Variants in RAI2 observed in about 807,000 individuals in gnomAD.
The protein encoded by RAI2 is retinoic acid induced 2, also known as retinoic acid-induced protein 2.
RAI2 carries 5 observed loss-of-function variants against 15.3 expected under a neutral mutation model. The ratio of observed to expected loss-of-function variants is 0.33; its 90% CI spans 0.17 to 0.69. RAI2 has a LOEUF of 0.69. RAI2 is among the 30% of genes least tolerant of loss of function. The pLI is 0.69. For synonymous variants in RAI2, 191 were observed against 184.0 expected, an observed-to-expected ratio of 1.04 and a Z score of -0.31; for missense variants, 424 against 424.7, an observed-to-expected ratio of 1.00 and a Z score of 0.01.
At chrX:17,811,925 TA>T (rs371540415) in intron 1 of RAI2, among the ~76,000 whole-genome samples, 103 of 105,171 alleles carry the variant, frequency 9.8e-4, no homozygotes, top group African/African-American at 1.4e-3. Context: ...GTAAAATGAT[TA>T]AAAAAAAAAA....
intron 1 of RAI2, among the ~76,000 whole-genome samples, chrX:17,841,409 A>C (rs2067395744): frequency 8.9e-6 from 1 of 112,206 alleles, no homozygotes; most frequent in Admixed American, 9.4e-5. Context: ...CCATGGATTA[A>C]TCATGGCAAC....
At chrX:17,814,698 T>TATC (rs2067086047) in intron 1 of RAI2, among the ~76,000 whole-genome samples, 2 of 110,283 alleles carry the variant, frequency 1.8e-5, no homozygotes, top group African/African-American at 3.3e-5. Flanking sequence ...CAGAGATGAC[T>TATC]ATCTTTCCAA....
intron 1 of RAI2, among the ~76,000 whole-genome samples, chrX:17,833,988 A>G (rs947022642): frequency 1.8e-5 from 2 of 111,786 alleles, no homozygotes; most frequent in African/African-American, 6.5e-5. Flanking sequence ...TGCTCGACAA[A>G]GGCAATGCTG....
chrX:17,838,128 C>T (rs185019525), intron 1 of RAI2, among the ~76,000 whole-genome samples: 2 of 112,540 alleles, frequency 1.8e-5, no homozygotes. Context: ...AGAGCAGACA[C>T]AACTAATCTA....
intron 1 of RAI2, among the ~76,000 whole-genome samples, chrX:17,846,544 T>C (rs183422863): frequency 1.9e-4 from 21 of 112,228 alleles, no homozygotes; most frequent in African/African-American, 6.5e-4. Flanking sequence ...ACTATGTCTG[T>C]CAGGTTTTGT....
chrX:17,855,494 G>C (rs1372554694), intron 1 of RAI2, among the ~76,000 whole-genome samples: 1 of 112,037 alleles, frequency 8.9e-6, no homozygotes, highest in Non-Finnish European at 1.9e-5. Flanking sequence ...TCCTCATAGA[G>C]CATGAGACTG....
intron 1 of RAI2, among the ~76,000 whole-genome samples, chrX:17,837,301 G>A (rs1034883836): frequency 3.6e-5 from 4 of 112,084 alleles, no homozygotes; most frequent in Non-Finnish European, 5.6e-5. Flanking sequence ...GTGTGCAGGT[G>A]CAAGCCTGTT....
intron 1 of RAI2, among the ~76,000 whole-genome samples, chrX:17,838,598 G>A (rs763981303): frequency 3.6e-5 from 4 of 109,666 alleles, no homozygotes; most frequent in African/African-American, 1.3e-4. Context: ...TCTTTGGTGC[G>A]CAACATGAAT....
chrX:17,821,044 C>T (rs1295952075), intron 1 of RAI2, among the ~76,000 whole-genome samples: 2 of 111,871 alleles, frequency 1.8e-5, no homozygotes, highest in African/African-American at 3.2e-5. Flanking sequence ...GGACTATAGG[C>T]GTGAGCCACT....
intron 1 of RAI2, among the ~76,000 whole-genome samples, chrX:17,844,362 C>A (rs762833410): frequency 8.9e-6 from 1 of 112,583 alleles, no homozygotes; most frequent in East Asian, 2.8e-4. Flanking sequence ...ATTATATTGT[C>A]CTATTCTTGG....
intron 1 of RAI2, among the ~76,000 whole-genome samples, chrX:17,838,315 T>G (rs765434404): frequency 1.8e-5 from 2 of 112,193 alleles, no homozygotes; most frequent in African/African-American, 3.2e-5. Context: ...CTCTGTGACT[T>G]TACTGTATGT....
At chrX:17,826,404 C>G (rs1179634358) in intron 1 of RAI2, among the ~76,000 whole-genome samples, 2 of 110,684 alleles carry the variant, frequency 1.8e-5, no homozygotes, top group African/African-American at 6.6e-5. Flanking sequence ...TAGTCTGTCT[C>G]TTCTACTTAA....
intron 1 of RAI2, among the ~76,000 whole-genome samples, chrX:17,841,226 A>G (rs1318508011): frequency 9.0e-6 from 1 of 111,552 alleles, no homozygotes; most frequent in African/African-American, 3.3e-5. Context: ...CCAAGCTCTG[A>G]CTTTCACAAG....
chrX:17,800,918 C>T lies in RAI2; in HGVS notation c.1093G>A (p.Ala365Thr). 8.3e-7 allele frequency: 1 copy of T among 1,211,113 alleles called. No homozygotes were observed. The change falls in exon 2 of 2, where the codon GCA becomes ACA. Residue 365 changes from alanine (A) to threonine (T), a missense_variant. Coordinates refer to ENST00000451717, the MANE Select transcript of RAI2 (RefSeq NM_021785.6). ...PPPETLYDSG[A>T]SVDSSGHTVM... ...GTGTGACCTGAGCTGTCCACTGATG[C>T]ACCACTGTCATACAGTGTCTCAGGG...
chrX:17,811,016 G>C (rs764731295), intron 1 of RAI2, among the ~76,000 whole-genome samples: 86 of 112,213 alleles, frequency 7.7e-4, no homozygotes, highest in Non-Finnish European at 1.3e-3. Flanking sequence ...CTCCTTTAAG[G>C]CTCACATTTC....
At chrX:17,807,201 C>T (rs939477982) in intron 1 of RAI2, among the ~76,000 whole-genome samples, 13 of 111,596 alleles carry the variant, frequency 1.2e-4, no homozygotes, top group Non-Finnish European at 2.4e-4. Context: ...AGGGGTTCAG[C>T]TCTAAAGTTG....
At chrX:17,803,485 C>T (rs1178175305) in intron 1 of RAI2, among the ~76,000 whole-genome samples, 1 of 109,717 alleles carries the variant, frequency 9.1e-6, no homozygotes, top group Non-Finnish European at 1.9e-5. Context: ...GAGCCGAGAT[C>T]GCATCACTGC....
At chrX:17,824,502 C>T (rs927894311) in intron 1 of RAI2, among the ~76,000 whole-genome samples, 3 of 112,194 alleles carry the variant, frequency 2.7e-5, no homozygotes, top group Non-Finnish European at 3.8e-5. Context: ...GAAAGAGACT[C>T]TTCTAGGTAG....
chrX:17,809,591 G>A (rs1425131262), intron 1 of RAI2, among the ~76,000 whole-genome samples: 6 of 110,622 alleles, frequency 5.4e-5, no homozygotes, highest in African/African-American at 2.0e-4. Context: ...TTATATATGT[G>A]TGTGCATGTG....
Sources: gnomAD v4.1 joint callset for allele counts (sites outside exome capture counted in the v4.1 genomes callset) on GRCh38, gnomAD v4.1.1 for gene constraint, MANE v1.5 for transcripts, NCBI Gene and HGNC (gene_info 2026-07-23, HGNC 2026-07-21) for gene names.